The following DACH1 variants were observed in gnomAD, a reference collection of about 807,000 sequenced individuals.
DACH1 encodes the protein dachshund family transcription factor 1.
A neutral mutation model predicts 54.2 loss-of-function variants in DACH1; 12 were observed. The observed-to-expected ratio is 0.22, with a 90% CI of 0.14 to 0.36. The LOEUF (loss-of-function observed/expected upper bound fraction) is 0.36. DACH1 is among the 10% of genes least tolerant of loss of function. The probability of loss-of-function intolerance (pLI) is 1.00; values close to 1 mark genes in which losing one functional copy is unlikely to be tolerated. For synonymous variants in DACH1, 386 were observed against 366.2 expected (o/e 1.05, Z -0.62); for missense variants, 805 against 929.8 (o/e 0.87, Z 1.75).
intron 1 of DACH1, among the ~76,000 whole-genome samples, chr13:71,739,793 T>C (rs548672169): frequency 3.0e-4 from 45 of 152,316 alleles, no homozygotes; most frequent in Non-Finnish European, 5.3e-4. Flanking sequence ...AATAGAAAAA[T>C]ATGAAGGCAT....
chr13:71,528,510 C>T (rs901907396), intron 6 of DACH1, among the ~76,000 whole-genome samples: 5 of 142,448 alleles, frequency 3.5e-5, no homozygotes, highest in Non-Finnish European at 7.5e-5. Context: ...TCACTTCAAG[C>T]TCCGCCTCCC....
intron 3 of DACH1, among the ~76,000 whole-genome samples, chr13:71,627,236 G>A (rs908865674): frequency 2.7e-5 from 4 of 149,538 alleles, no homozygotes; most frequent in Admixed American, 1.4e-4. Flanking sequence ...TTTTCCTGTC[G>A]TCTTACCCAG....
intron 7 of DACH1, among the ~76,000 whole-genome samples, chr13:71,480,471 T>C (rs1193878268): frequency 6.6e-6 from 1 of 152,218 alleles, no homozygotes; most frequent in Non-Finnish European, 1.5e-5. Flanking sequence ...TGGAAATATG[T>C]TAAACATATA....
intron 4 of DACH1, among the ~76,000 whole-genome samples, chr13:71,569,820 T>A (rs947153293): frequency 1.3e-5 from 2 of 152,302 alleles, no homozygotes; most frequent in Non-Finnish European, 2.9e-5. Context: ...ATTTAGAACA[T>A]CTCTCAAAGT....
intron 1 of DACH1, among the ~76,000 whole-genome samples, chr13:71,712,257 T>C (rs758988620): frequency 6.6e-6 from 1 of 152,060 alleles, no homozygotes; most frequent in African/African-American, 2.4e-5. Context: ...CTTTTTTTCT[T>C]AGAACTTCAA....
chr13:71,691,633 G>C (rs1214496921), intron 1 of DACH1, among the ~76,000 whole-genome samples: 1 of 151,918 alleles, frequency 6.6e-6, no homozygotes, highest in Non-Finnish European at 1.5e-5. Context: ...TGTGAACCAT[G>C]GCAATCTGGC....
chr13:71,817,726 A>C (rs951777312), intron 1 of DACH1, among the ~76,000 whole-genome samples: 3 of 152,152 alleles, frequency 2.0e-5, no homozygotes, highest in African/African-American at 7.2e-5. Context: ...TTAAGGAAAT[A>C]AAATATATGA....
chr13:71,582,668 T>C (rs1457562175), intron 3 of DACH1, among the ~76,000 whole-genome samples: 1 of 152,126 alleles, frequency 6.6e-6, no homozygotes, highest in Non-Finnish European at 1.5e-5. Context: ...TATTATATTA[T>C]AGGGTAGATT....
chr13:71,649,452 G>A (rs1156371144), intron 2 of DACH1, among the ~76,000 whole-genome samples: 1 of 151,990 alleles, frequency 6.6e-6, no homozygotes, highest in Admixed American at 6.6e-5. Flanking sequence ...CTGTAAATGG[G>A]GCTGACAACA....
At chr13:71,543,678 T>A (rs1413082880) in intron 6 of DACH1, among the ~76,000 whole-genome samples, 2 of 152,086 alleles carry the variant, frequency 1.3e-5, no homozygotes, top group African/African-American at 4.8e-5. Context: ...GATTTGGATA[T>A]TTTTCTAGAT....
chr13:71,723,802 C>G (rs1398907817), intron 1 of DACH1, among the ~76,000 whole-genome samples: 1 of 152,108 alleles, frequency 6.6e-6, no homozygotes, highest in East Asian at 1.9e-4. Context: ...GTGATCCGCC[C>G]ACCTCAGCCT....
chr13:71,657,322 C>T (rs1300530300), intron 2 of DACH1, among the ~76,000 whole-genome samples: 1 of 151,560 alleles, frequency 6.6e-6, no homozygotes. Context: ...GTGACCTTAT[C>T]TCTATTAAAA....
At chr13:71,781,142 T>C (rs1281590330) in intron 1 of DACH1, among the ~76,000 whole-genome samples, 1 of 151,678 alleles carries the variant, frequency 6.6e-6, no homozygotes, top group African/African-American at 2.4e-5. Flanking sequence ...TATGGTAAGT[T>C]TGAAACTTTC....
intron 2 of DACH1, among the ~76,000 whole-genome samples, chr13:71,648,278 G>C (rs955776267): frequency 2.0e-5 from 3 of 152,070 alleles, no homozygotes; most frequent in African/African-American, 7.2e-5. Context: ...TAAAATTGGT[G>C]GTAACATTTT....
At chr13:71,611,344 T>TA (rs1372101862) in intron 3 of DACH1, among the ~76,000 whole-genome samples, 1 of 152,158 alleles carries the variant, frequency 6.6e-6, no homozygotes, top group Non-Finnish European at 1.5e-5. Flanking sequence ...TGTACTGAAT[T>TA]AAAAAAATGG....
chr13:71,489,039 A>G lies in DACH1; in HGVS notation c.1680T>C (p.Pro560=). ...GAGTCTCGATGGAAGACAGTCCATCAGGAAACAGAAAAGGAGATGGAAAAC... is the reference window on the plus strand; with the variant it reads ...GAGTCTCGATGGAAGACAGTCCATCGGGAAACAGAAAAGGAGATGGAAAAC... ...PPGFPSPFLF[P]DGLSSIETLL... The change falls in exon 7 of 11, where the codon CCT becomes CCC. Residue 560 remains proline (P), a synonymous_variant. Transcript: ENST00000613252. 6.2e-7 allele frequency: 1 copy of G among 1,613,906 alleles called. No individual in the cohort carries two copies.
intron 7 of DACH1, among the ~76,000 whole-genome samples, chr13:71,486,812 T>TATCTATCTATC (rs1878556005): frequency 7.2e-5 from 3 of 41,812 alleles, no homozygotes; most frequent in South Asian, 1.4e-3. Context: ...ATTTATTTAT[T>TATCTATCTATC]TATCTATCTA....
intron 1 of DACH1, among the ~76,000 whole-genome samples, chr13:71,749,006 A>G (rs1411569523): frequency 7.0e-6 from 1 of 143,066 alleles, no homozygotes; most frequent in Non-Finnish European, 1.5e-5. Context: ...TTTCTTTCAG[A>G]TGGAATCTCA....
intron 9 of DACH1, 32 bp from the exon 10 acceptor site, chr13:71,475,241 A>G: frequency 1.3e-6 from 2 of 1,533,030 alleles, no homozygotes; most frequent in Non-Finnish European, 1.8e-6. Context: ...AGTGACACAT[A>G]TTTCATTTGA....
Sources: allele counts gnomAD v4.1 joint callset (sites outside exome capture counted in the v4.1 genomes callset), GRCh38; gene constraint gnomAD v4.1.1; transcripts MANE v1.5; gene names NCBI Gene and HGNC (gene_info 2026-07-23, HGNC 2026-07-21).